The following GPC6 variants were observed in gnomAD, a reference collection of about 807,000 sequenced individuals.
GPC6 encodes glypican-6.
In GPC6, 14 loss-of-function variants were observed where a neutral mutation model predicts 55.2. The observed-to-expected ratio is 0.25, with a 90% CI of 0.17 to 0.40. The LOEUF is 0.40. GPC6 is among the 10% of genes least tolerant of loss of function. GPC6 has a pLI of 1.00. For missense variants in GPC6, 641 were observed against 708.5 expected (o/e 0.90, Z 1.08); for synonymous variants, 278 against 259.6 (o/e 1.07, Z -0.68).
intron 1 of GPC6, among the ~76,000 whole-genome samples, chr13:93,487,783 G>A (rs1879785788): frequency 6.6e-6 from 1 of 152,134 alleles, no homozygotes; most frequent in African/African-American, 2.4e-5. Flanking sequence ...GGAAATAATA[G>A]TAGTCACTTA....
At chr13:94,107,870 T>TA (rs543421135) in intron 4 of GPC6, among the ~76,000 whole-genome samples, 331 of 151,962 alleles carry the variant, frequency 2.2e-3, no homozygotes, top group Non-Finnish European at 3.6e-3. Context: ...ATGGCCATAA[T>TA]AAAAAAAATT....
At chr13:93,472,524 G>C (rs930557157) in intron 1 of GPC6, among the ~76,000 whole-genome samples, 1 of 152,198 alleles carries the variant, frequency 6.6e-6, no homozygotes, top group African/African-American at 2.4e-5. Context: ...TGGACCAGGC[G>C]TTACTGCAAA....
chr13:93,676,182 CACACACACAT>C (rs1280494299), intron 2 of GPC6, among the ~76,000 whole-genome samples: 27,213 of 125,962 alleles, frequency 0.22, 3,478 homozygotes, highest in Middle Eastern at 0.41. Flanking sequence ...TACACACACA[CACACACACAT>C]ATATATGTAT....
At chr13:93,471,358 C>CAAAAAA (rs59410717) in intron 1 of GPC6, among the ~76,000 whole-genome samples, 1 of 123,156 alleles carries the variant, frequency 8.1e-6, no homozygotes. Context: ...TCTAAAAATA[C>CAAAAAA]AAAAAAAAAA....
intron 3 of GPC6, among the ~76,000 whole-genome samples, chr13:93,907,600 CTTA>C (rs1876739131): frequency 6.6e-6 from 1 of 152,042 alleles, no homozygotes; most frequent in Non-Finnish European, 1.5e-5. Context: ...TTTTTAAACT[CTTA>C]TTAACATTTA....
intron 1 of GPC6, among the ~76,000 whole-genome samples, chr13:93,435,558 A>G (rs778940902): frequency 6.6e-6 from 1 of 152,082 alleles, no homozygotes; most frequent in Non-Finnish European, 1.5e-5. Context: ...TAGCAGAGAA[A>G]TTTCCTTTTA....
chr13:93,679,648 ATCTAG>A (rs1056250256), intron 2 of GPC6, among the ~76,000 whole-genome samples: 6 of 152,148 alleles, frequency 3.9e-5, no homozygotes, highest in African/African-American at 1.4e-4. Context: ...CAAACAGTGT[ATCTAG>A]TCAGAGACCT....
In GPC6 at chr13:93,339,370, C is replaced by T. The variant is rs1269711593; in HGVS notation, c.160+111754C>T. Among the ~76,000 whole-genome samples the T allele has an allele frequency of 3.6e-5, 5 of 140,404 alleles. No homozygotes were observed. The East Asian group carries it at 9.3e-4, about 26-fold the overall frequency. 92.1% of individuals were successfully genotyped at this position (140,404 alleles called of 152,430 possible). Reference sequence around the variant, plus strand: ...TTCTGTGTGTAGAAATAAACACCATCATCTATTAAAAAAAAAAAAAAAAGC... The same window carrying T: ...TTCTGTGTGTAGAAATAAACACCATTATCTATTAAAAAAAAAAAAAAAAGC... On this transcript the variant is annotated intron_variant, in intron 1 of 8. Transcript: ENST00000377047.
chr13:93,895,252 A>G (rs1009532690), intron 3 of GPC6, among the ~76,000 whole-genome samples: 12,917 of 77,354 alleles, frequency 0.17, 2,111 homozygotes, highest in African/African-American at 0.35. Context: ...ATATATATAT[A>G]TATATATATA....
intron 1 of GPC6, among the ~76,000 whole-genome samples, chr13:93,489,368 C>T (rs550016444): frequency 2.6e-5 from 4 of 151,592 alleles, no homozygotes; most frequent in African/African-American, 9.6e-5. Context: ...GTTTTGGTTA[C>T]TGTAGCCTTG....
At chr13:94,149,661 C>A (rs1887670746) in intron 4 of GPC6, among the ~76,000 whole-genome samples, 1 of 152,020 alleles carries the variant, frequency 6.6e-6, no homozygotes, top group Non-Finnish European at 1.5e-5. Flanking sequence ...AAGTCTGAGC[C>A]TCGATTTTTA....
rs186616919 is a variant in GPC6, at chr13:94,182,263, G to T, written c.878-104086G>T. On this transcript the variant is annotated intron_variant, in intron 4 of 8. Transcript: ENST00000377047. ...AAATCAGGTTACAAAATCAGAAACT[G>T]ATTTGCAGAAAGGCTGATATGATGA... Among the ~76,000 whole-genome samples, 41 of 152,022 alleles carry T rather than the reference G, an allele frequency of 2.7e-4. 1 individual carries two copies. Among genetic ancestry groups the T allele is most frequent in the African/African-American group, 9.7e-4 (40 of 41,438 alleles).
intron 4 of GPC6, among the ~76,000 whole-genome samples, chr13:94,075,708 A>C (rs1031400171): frequency 1.3e-5 from 2 of 152,138 alleles, no homozygotes; most frequent in Non-Finnish European, 2.9e-5. Flanking sequence ...GGAATGATGC[A>C]ATCAGTATTT....
At chr13:93,844,363 T>A (rs937908029) in intron 3 of GPC6, among the ~76,000 whole-genome samples, 1 of 152,178 alleles carries the variant, frequency 6.6e-6, no homozygotes, top group African/African-American at 2.4e-5. Flanking sequence ...GGTCTCGATC[T>A]CTTGACCTCA....
At chr13:93,974,399 C>A (rs1218904912) in intron 3 of GPC6, among the ~76,000 whole-genome samples, 1 of 152,054 alleles carries the variant, frequency 6.6e-6, no homozygotes, top group Non-Finnish European at 1.5e-5. Context: ...AAGGTTTTTT[C>A]TTTTCATAAT....
intron 1 of GPC6, among the ~76,000 whole-genome samples, chr13:93,535,024 A>G (rs992789515): frequency 6.6e-6 from 1 of 152,170 alleles, no homozygotes; most frequent in African/African-American, 2.4e-5. Flanking sequence ...AAACTTTCCA[A>G]TAAAGATTTG....
rs563610684 is a variant in GPC6, at chr13:94,296,872, G to A, written c.1009-9108G>A. Among the ~76,000 whole-genome samples, 28 of 152,170 alleles carry A rather than the reference G, an allele frequency of 1.8e-4. No individual in the cohort carries two copies. The East Asian group carries it at 5.4e-3, about 29-fold the overall frequency. ...AGCATAGATAACAGTAAAATAATTAGAAAGTAATGAGATTTTAGTATAATT... is the reference window on the plus strand; with the variant it reads ...AGCATAGATAACAGTAAAATAATTAAAAAGTAATGAGATTTTAGTATAATT... On this transcript the variant is annotated intron_variant, in intron 5 of 8. Transcript: ENST00000377047.
At chr13:93,694,870 T>C (rs768154397) in intron 2 of GPC6, among the ~76,000 whole-genome samples, 2 of 152,082 alleles carry the variant, frequency 1.3e-5, no homozygotes, top group Non-Finnish European at 2.9e-5. Context: ...CACTGGGCCT[T>C]GACCAAAATC....
chr13:94,219,628 A>G (rs1288992769), intron 4 of GPC6, among the ~76,000 whole-genome samples: 1 of 152,172 alleles, frequency 6.6e-6, no homozygotes, highest in African/African-American at 2.4e-5. Flanking sequence ...ATGTGCACAG[A>G]AGCCAATACT....
Sources: gnomAD v4.1 joint callset for allele counts (sites outside exome capture counted in the v4.1 genomes callset) on GRCh38, gnomAD v4.1.1 for gene constraint, MANE v1.5 for transcripts, NCBI Gene and HGNC (gene_info 2026-07-23, HGNC 2026-07-21) for gene names.